Variants in SOHLH2 observed in about 807,000 individuals in gnomAD.
SOHLH2 encodes spermatogenesis and oogenesis specific basic helix-loop-helix 2, also known as spermatogenesis- and oogenesis-specific basic helix-loop-helix-containing protein 2.
Under a neutral mutation model 50.4 loss-of-function variants are expected in SOHLH2, and 22 were observed. The observed-to-expected ratio is 0.44, with a 90% CI of 0.31 to 0.62. SOHLH2 has a LOEUF of 0.62. Among genes scored for constraint, SOHLH2 ranks in the 20% least tolerant of loss-of-function variants. The pLI is 0.08. For missense variants in SOHLH2, 412 were observed against 504.4 expected (o/e 0.82, Z 1.76); for synonymous variants, 185 against 187.3 (o/e 0.99, Z 0.10).
chr13:36,192,510 C>G (rs1453395130), intron 4 of SOHLH2, among the ~76,000 whole-genome samples: 5 of 152,096 alleles, frequency 3.3e-5, no homozygotes, highest in Non-Finnish European at 7.3e-5. Context: ...ACTCACTCAT[C>G]TGAATATTTA....
At chr13:36,193,083 T>C (rs1402699220) in intron 4 of SOHLH2, among the ~76,000 whole-genome samples, 1 of 152,178 alleles carries the variant, frequency 6.6e-6, no homozygotes, top group African/African-American at 2.4e-5. Context: ...CTAGTTTAAT[T>C]AAAGTGTTTA....
At chr13:36,173,456 A>G (rs1438684468) in intron 9 of SOHLH2, among the ~76,000 whole-genome samples, 3 of 152,230 alleles carry the variant, frequency 2.0e-5, no homozygotes, top group Admixed American at 6.5e-5. Context: ...CAGTGTGCTT[A>G]TCATCTATCA....
At chr13:36,180,488 A>C (rs922611693) in intron 6 of SOHLH2, among the ~76,000 whole-genome samples, 1 of 152,164 alleles carries the variant, frequency 6.6e-6, no homozygotes. Context: ...TTAAAGTTCC[A>C]GGATACATGT....
At chr13:36,187,027 G>C (rs1438881515) in intron 6 of SOHLH2, among the ~76,000 whole-genome samples, 1 of 152,110 alleles carries the variant, frequency 6.6e-6, no homozygotes, top group East Asian at 1.9e-4. Context: ...ATCAGGGATG[G>C]TGTTTACCTC....
At position 36,201,907 on chromosome 13, in the gene SOHLH2, C is replaced by T. The variant is rs371890922; in HGVS notation, c.235G>A (p.Glu79Lys). ...LLKVPSSLSA[E>K]ELEAIKLIRF... Reference sequence around the variant, plus strand: ...ATTAACTTGATGGCTTCCAGCTCCTCGGCACTTAGTGAAGAAGGCACCTTC... The same window carrying T: ...ATTAACTTGATGGCTTCCAGCTCCTTGGCACTTAGTGAAGAAGGCACCTTC... Residue 79 changes from glutamate to lysine, a missense_variant, in exon 2 of 11, where the codon GAG becomes AAG. Transcript: ENST00000379881. The T allele has an allele frequency of 1.2e-5, 20 of 1,614,214 alleles. No individual in the cohort carries two copies. Among genetic ancestry groups the T allele is most frequent in the Middle Eastern group, 3.3e-4 (2 of 6,062 alleles).
chr13:36,173,580 T>G, intron 9 of SOHLH2, 112 bp downstream of exon 9: 1 of 1,241,614 alleles, frequency 8.1e-7, no homozygotes, highest in Non-Finnish European at 1.2e-6. Context: ...CCAGAAGGAC[T>G]CATCAGCTCT....
intron 1 of SOHLH2, among the ~76,000 whole-genome samples, chr13:36,205,459 A>T (rs1026535239): frequency 6.6e-6 from 1 of 152,116 alleles, no homozygotes; most frequent in Admixed American, 6.5e-5. Context: ...AGAATTTTAC[A>T]TCAGAAAAGG....
At chr13:36,177,724 G>A (rs1026350007) in intron 6 of SOHLH2, among the ~76,000 whole-genome samples, 15 of 151,992 alleles carry the variant, frequency 9.9e-5, no homozygotes, top group Non-Finnish European at 1.3e-4. Context: ...TTTGTCAAGC[G>A]TCCATGCAGA....
Position 36,191,872 on chromosome 13 carries a change from C to T in SOHLH2, c.453G>A (p.Gly151=). 10 of 1,613,980 alleles carry T rather than the reference C, an allele frequency of 6.2e-6. No individual in the cohort carries two copies. Among genetic ancestry groups the T allele is most frequent in the Non-Finnish European group, 8.5e-6 (10 of 1,179,884 alleles). ...SNTVKTENAT[G]PEELGLPLQR... The stretch of plus-strand genomic sequence containing the variant: ...GCAGGGGCAATCCAAGTTCTTCAGG[C>T]CCAGTTGCGTTTTCAGTCTTAACTG... The change falls in exon 5 of 11, where the codon GGG becomes GGA. Residue 151 remains glycine (G), a synonymous_variant. Coordinates refer to ENST00000379881, the MANE Select transcript of SOHLH2 (RefSeq NM_017826.3).
chr13:36,172,128 GC>G (rs1489661811), intron 9 of SOHLH2, among the ~76,000 whole-genome samples: 2 of 152,130 alleles, frequency 1.3e-5, no homozygotes, highest in Non-Finnish European at 2.9e-5. Flanking sequence ...CATATCTCTG[GC>G]TTCCCAAGAT....
intron 1 of SOHLH2, among the ~76,000 whole-genome samples, chr13:36,204,296 T>G (rs1425640959): frequency 6.6e-6 from 1 of 152,208 alleles, no homozygotes; most frequent in East Asian, 1.9e-4. Flanking sequence ...AAATATTTAA[T>G]ATTTAGTAAC....
chr13:36,175,937 TC>T (rs1657737787), intron 6 of SOHLH2, among the ~76,000 whole-genome samples: 1 of 152,088 alleles, frequency 6.6e-6, no homozygotes, highest in African/African-American at 2.4e-5. Context: ...CAAGGATCCG[TC>T]CTGAGGAGTG....
At chr13:36,193,516 AT>A (rs2138301845) in intron 4 of SOHLH2, 104 bp downstream of exon 4, 1 of 1,267,630 alleles carries the variant, frequency 7.9e-7, no homozygotes, top group African/African-American at 1.5e-5. Flanking sequence ...AAGAATACAT[AT>A]TTCTCCCTTT....
chr13:36,179,668 C>T (rs1025898908), intron 6 of SOHLH2, among the ~76,000 whole-genome samples: 1 of 152,120 alleles, frequency 6.6e-6, no homozygotes, highest in African/African-American at 2.4e-5. Context: ...CTGCCTCAGC[C>T]TCCCAAAATG....
chr13:36,191,649 A>AC, intron 5 of SOHLH2, 146 bp downstream of exon 5: 1 of 864,140 alleles, frequency 1.2e-6, no homozygotes, highest in Non-Finnish European at 1.7e-6. Flanking sequence ...TCCTTATATT[A>AC]AGTTGAATAC....
chr13:36,205,541 G>A (rs569291116), intron 1 of SOHLH2, among the ~76,000 whole-genome samples: 6 of 152,000 alleles, frequency 3.9e-5, no homozygotes, highest in Non-Finnish European at 8.8e-5. Context: ...GTTAGGCAGT[G>A]AATCATATTA....
chr13:36,194,394 TGGTTATTCTCTGA>T (rs1887662597), intron 2 of SOHLH2, among the ~76,000 whole-genome samples: 1 of 152,188 alleles, frequency 6.6e-6, no homozygotes, highest in Non-Finnish European at 1.5e-5. Flanking sequence ...ATGGGTTTTG[TGGTTATTCTCTGA>T]GTCCTCACCT....
chr13:36,171,851 C>CAT (rs930987517), intron 9 of SOHLH2, among the ~76,000 whole-genome samples: 3 of 151,994 alleles, frequency 2.0e-5, no homozygotes, highest in African/African-American at 7.2e-5. Flanking sequence ...AACAAATATA[C>CAT]ATATGTATGA....
chr13:36,169,126 T>C, intron 10 of SOHLH2, 72 bp from the exon 11 acceptor site: 6 of 1,550,600 alleles, frequency 3.9e-6, no homozygotes, highest in South Asian at 1.3e-5. Flanking sequence ...CATGATTGTA[T>C]TTTCTATATC....
Sources: gnomAD v4.1 joint callset for allele counts (sites outside exome capture counted in the v4.1 genomes callset) on GRCh38, gnomAD v4.1.1 for gene constraint, MANE v1.5 for transcripts, NCBI Gene and HGNC (gene_info 2026-07-23, HGNC 2026-07-21) for gene names.